Variants in GC observed in about 807,000 individuals in gnomAD.
GC encodes vitamin D-binding protein.
In GC, 43 loss-of-function variants were observed where a neutral mutation model predicts 56.7. The ratio of observed to expected loss-of-function variants is 0.76; its 90% CI spans 0.59 to 0.98. The LOEUF (loss-of-function observed/expected upper bound fraction) is 0.98. Ranked by LOEUF, GC falls within the 50% of genes least tolerant of loss-of-function variation. The pLI, the probability that GC is intolerant of heterozygous loss-of-function variation, is 0.00. For missense variants in GC, 529 were observed against 545.9 expected (o/e 0.97, Z 0.31); for synonymous variants, 216 against 202.7 (o/e 1.07, Z -0.56).
Position 71,756,807 on chromosome 4 carries a change from G to A in GC, c.939C>T (p.Tyr313=), listed in dbSNP as rs1741788718. The change falls in exon 8 of 13, where the codon TAC becomes TAT. Residue 313 remains tyrosine, a synonymous_variant. Transcript: ENST00000273951. The part of the protein sequence containing the change: ...KTAMDVFVCT[Y]FMPAAQLPEL... ...CGGGGAGTTGGGCAGCTGGCATGAAGTAAGTGCACACAAAAACGTCCATGG... is the reference window on the plus strand; with the variant it reads ...CGGGGAGTTGGGCAGCTGGCATGAAATAAGTGCACACAAAAACGTCCATGG... The A allele has an allele frequency of 1.9e-6, 3 of 1,613,298 alleles. No homozygotes were observed. In the East Asian group the frequency reaches 6.7e-5, roughly 36 times the overall value.
intron 9 of GC, among the ~76,000 whole-genome samples, chr4:71,754,712 T>C (rs1479846760): frequency 6.6e-6 from 1 of 152,218 alleles, no homozygotes; most frequent in Admixed American, 6.5e-5. Context: ...AGTTGTAAGC[T>C]TTGCAGAAAC....
intron 1 of GC, among the ~76,000 whole-genome samples, chr4:71,781,925 A>T (rs79618292): frequency 2.0e-5 from 3 of 151,780 alleles, no homozygotes; most frequent in Admixed American, 2.0e-4. Flanking sequence ...CAAGGTTTCC[A>T]AAGAATAGTT....
intron 1 of GC, among the ~76,000 whole-genome samples, chr4:71,771,523 TA>T (rs773200948): frequency 1.3e-5 from 2 of 152,096 alleles, no homozygotes; most frequent in African/African-American, 2.4e-5. Context: ...CAGCACTTTT[TA>T]ACAAGAGACC....
intron 1 of GC, among the ~76,000 whole-genome samples, chr4:71,789,775 T>C (rs1742926374): frequency 6.6e-6 from 1 of 151,878 alleles, no homozygotes; most frequent in Admixed American, 6.6e-5. Context: ...TAGGGTGGGC[T>C]CAATGTTATC....
chr4:71,743,313 T>C (rs111946733), intron 12 of GC, among the ~76,000 whole-genome samples: 4 of 152,198 alleles, frequency 2.6e-5, no homozygotes, highest in African/African-American at 9.6e-5. Flanking sequence ...GGCTTAATGG[T>C]TTTAGGAACT....
chr4:71,764,064 C>T, intron 4 of GC, 128 bp from the exon 5 acceptor site: 1 of 675,600 alleles, frequency 1.5e-6, no homozygotes, highest in East Asian at 2.7e-5. Context: ...TCACTGCAGT[C>T]TCAACCTCCT....
chr4:71,759,260 C>A (rs1741887244), intron 6 of GC, among the ~76,000 whole-genome samples: 1 of 152,092 alleles, frequency 6.6e-6, no homozygotes, highest in Non-Finnish European at 1.5e-5. Context: ...AAGTGCAAAT[C>A]TCTTTGAGAT....
chr4:71,776,234 G>A (rs909531346), intron 1 of GC, among the ~76,000 whole-genome samples: 2 of 151,750 alleles, frequency 1.3e-5, no homozygotes, highest in African/African-American at 2.4e-5. Flanking sequence ...CACAGCTACC[G>A]AGATGCTGAA....
At chr4:71,747,348 T>C (rs1741408573) in intron 11 of GC, among the ~76,000 whole-genome samples, 1 of 151,478 alleles carries the variant, frequency 6.6e-6, no homozygotes, top group African/African-American at 2.4e-5. Flanking sequence ...GTTGAGAAAA[T>C]GTAGTGCCAT....
chr4:71,769,196 C>T (rs1490270472), intron 2 of GC, 135 bp downstream of exon 2: 2 of 629,204 alleles, frequency 3.2e-6, no homozygotes, highest in Non-Finnish European at 5.6e-6. Context: ...CTGTGCCTAC[C>T]TTGGGCCTGG....
intron 12 of GC, among the ~76,000 whole-genome samples, chr4:71,745,145 G>A (rs1741323682): frequency 6.6e-6 from 1 of 152,064 alleles, no homozygotes; most frequent in Non-Finnish European, 1.5e-5. Context: ...ACACTGTGAG[G>A]GAGATATGGA....
At chr4:71,798,336 A>C (rs1300828420) in intron 1 of GC, among the ~76,000 whole-genome samples, 1 of 152,082 alleles carries the variant, frequency 6.6e-6, no homozygotes, top group East Asian at 1.9e-4. Flanking sequence ...GTTTCTGTTG[A>C]CTGATTTTTA....
chr4:71,777,455 A>G (rs1742543670), intron 1 of GC, among the ~76,000 whole-genome samples: 1 of 151,546 alleles, frequency 6.6e-6, no homozygotes, highest in African/African-American at 2.4e-5. Flanking sequence ...TGTTTTCTAT[A>G]GGATATATAC....
chr4:71,791,897 T>C (rs1046386689), intron 1 of GC, among the ~76,000 whole-genome samples: 5 of 152,162 alleles, frequency 3.3e-5, no homozygotes, highest in African/African-American at 1.2e-4. Flanking sequence ...TTCCCACCTA[T>C]GAATGAGAAC....
At chr4:71,788,079 G>A (rs1260280102), upstream of GC, among the ~76,000 whole-genome samples, 1 of 151,834 alleles carries the variant, frequency 6.6e-6, no homozygotes, top group Non-Finnish European at 1.5e-5. Context: ...AGCACAGATA[G>A]AAACTGAATG....
intron 1 of GC, among the ~76,000 whole-genome samples, chr4:71,780,110 C>T (rs1004327905): frequency 1.3e-4 from 20 of 151,914 alleles, no homozygotes; most frequent in African/African-American, 4.6e-4. Context: ...CTTTGACAAA[C>T]CTGACAAAAA....
chr4:71,786,026 A>G (rs1742825125), upstream of GC: 1 of 151,848 alleles, frequency 6.6e-6, no homozygotes, highest in Admixed American at 6.6e-5. Flanking sequence ...GTTTAAGACC[A>G]GCTCATTCTT....
At chr4:71,758,409 C>A (rs746711586) in intron 6 of GC, among the ~76,000 whole-genome samples, 5 of 152,132 alleles carry the variant, frequency 3.3e-5, no homozygotes, top group Non-Finnish European at 5.9e-5. Context: ...TCTCTTCTTG[C>A]CAGATATACA....
intron 1 of GC, among the ~76,000 whole-genome samples, chr4:71,778,110 T>G (rs1339686071): frequency 2.0e-5 from 3 of 151,902 alleles, no homozygotes; most frequent in African/African-American, 4.8e-5. Flanking sequence ...GAAAGACATG[T>G]ATAACTACAT....
Sources: gnomAD v4.1 joint callset for allele counts (sites outside exome capture counted in the v4.1 genomes callset) on GRCh38, gnomAD v4.1.1 for gene constraint, MANE v1.5 for transcripts, NCBI Gene and HGNC (gene_info 2026-07-23, HGNC 2026-07-21) for gene names.